AKIRIN1: variants seen among roughly 807,000 people sequenced by gnomAD.
AKIRIN1 encodes the protein akirin 1.
AKIRIN1 carries 4 observed loss-of-function variants against 25.9 expected under a neutral mutation model. The ratio of observed to expected loss-of-function variants is 0.15; its 90% confidence interval spans 0.08 to 0.35. The LOEUF is 0.35. Among genes scored for constraint, AKIRIN1 ranks in the 10% least tolerant of loss-of-function variants. The probability of loss-of-function intolerance (pLI) is 1.00; values close to 1 mark genes in which losing one functional copy is unlikely to be tolerated. For missense variants in AKIRIN1, 243 were observed against 266.1 expected, an observed-to-expected ratio of 0.91 and a Z score of 0.61; for synonymous variants, 125 against 105.1, an observed-to-expected ratio of 1.19 and a Z score of -1.16.
At chr1:39,002,745 A>C (rs745659909) in intron 3 of AKIRIN1, among the ~76,000 whole-genome samples, 48 of 151,772 alleles carry the variant, frequency 3.2e-4, no homozygotes, top group South Asian at 4.2e-4. Flanking sequence ...AAAAAAGAAG[A>C]AGCTCTAATA....
intron 1 of AKIRIN1, among the ~76,000 whole-genome samples, chr1:38,992,820 C>A (rs1033393395): frequency 6.6e-6 from 1 of 152,134 alleles, no homozygotes; most frequent in African/African-American, 2.4e-5. Flanking sequence ...TTTTTCCCTT[C>A]TATTTGCTAA....
chr1:39,003,966 TGTTA>T, intron 4 of AKIRIN1, 75 bp from the exon 5 acceptor site: 1 of 1,258,310 alleles, frequency 7.9e-7, no homozygotes, highest in Non-Finnish European at 1.1e-6. Context: ...TCACATTTAC[TGTTA>T]GTGAAAATTT....
intron 4 of AKIRIN1, 47 bp from the exon 5 acceptor site, chr1:39,003,998 A>G (rs1444513111): frequency 6.5e-7 from 1 of 1,549,378 alleles, no homozygotes; most frequent in Non-Finnish European, 8.9e-7. Context: ...ATGACACTAC[A>G]GTTTTTAGTA....
At chr1:38,993,390 G>T (rs1033234701) in intron 1 of AKIRIN1, among the ~76,000 whole-genome samples, 35 of 151,926 alleles carry the variant, frequency 2.3e-4, no homozygotes, top group African/African-American at 8.2e-4. Flanking sequence ...AAATAGCCGG[G>T]CGAGGTTGCG....
Position 38,991,410 on chromosome 1 carries a change from C to G in AKIRIN1, c.30C>G (p.Pro10=), listed in dbSNP as rs1284473414. 16 of 1,358,498 alleles carry G rather than the reference C, an allele frequency of 1.2e-5. No homozygotes were observed. The South Asian group carries it at 2.8e-4, about 24-fold the overall frequency. 84.2% of individuals were successfully genotyped at this position (1,358,498 alleles called of 1,614,324 possible). A position where few individuals can be genotyped will look rare whatever the true frequency, so the allele number is the denominator to read the frequency against. Residue 10 remains proline (P), a synonymous_variant, in exon 1 of 5, where the codon CCC becomes CCG. Coordinates refer to ENST00000432648, the MANE Select transcript of AKIRIN1 (RefSeq NM_024595.3). MACGATLKR[P]MEFEAALLSP... ...CGTGCGGGGCGACGCTGAAGCGGCC[C>G]ATGGAGTTCGAGGCGGCGCTGCTGA...
rs1644032114 is a variant in AKIRIN1, at chr1:39,006,038, TAAAG to T, written c.*1986_*1989del. The T allele has an allele frequency of 6.6e-6, 1 of 152,112 alleles. No homozygotes were observed. The allele number at this position is 152,112 out of a possible 1,614,324, so 9.4% of individuals were successfully genotyped here. On this transcript the variant is annotated 3_prime_UTR_variant, in exon 5 of 5. Coordinates refer to ENST00000432648, the MANE Select transcript of AKIRIN1 (RefSeq NM_024595.3). The stretch of plus-strand genomic sequence containing the variant: ...CCAACAGTGATTTTTTTTTAATAAT[TAAAG>T]AATGATTTTACTTTGTATTTGAAGG...
At position 39,000,422 on chromosome 1, in the gene AKIRIN1, A is replaced by C. The variant is rs187241540; in HGVS notation, c.362-550A>C. On this transcript the variant is annotated intron_variant, in intron 2 of 4. Transcript: ENST00000432648. Reference sequence around the variant, plus strand: ...GCATGCAGTTGTGTGATCTCGGCTCACTGCAATCTCCGCCTCTCAGGTTCA... The same window carrying C: ...GCATGCAGTTGTGTGATCTCGGCTCCCTGCAATCTCCGCCTCTCAGGTTCA... 1.6e-3 allele frequency among the ~76,000 whole-genome samples: 216 copies of C among 132,068 alleles called. 3 individuals carry two copies. The Admixed American group carries it at 0.017, about 11-fold the overall frequency. 86.6% of individuals were successfully genotyped at this position (132,068 alleles called of 152,430 possible). A position where few individuals can be genotyped will look rare whatever the true frequency, so the allele number is the denominator to read the frequency against.
In AKIRIN1 at chr1:38,996,255, C is replaced by A. The variant is rs534298903; in HGVS notation, c.221-1916C>A. ...GATTACAGGTGCGCACCACCATGCC[C>A]AGCTAATTTTTGTATTTTTAGTAGA... On this transcript the variant is annotated intron_variant, in intron 1 of 4. Coordinates refer to ENST00000432648, the MANE Select transcript of AKIRIN1 (RefSeq NM_024595.3). Among the ~76,000 whole-genome samples the A allele has an allele frequency of 5.9e-5, 9 of 151,940 alleles. No individual in the cohort carries two copies. The South Asian group carries it at 1.9e-3, about 32-fold the overall frequency.
At chr1:38,991,677 G>GGGGGGGCC in intron 1 of AKIRIN1, 77 bp downstream of exon 1, 1 of 192,414 alleles carries the variant, frequency 5.2e-6, no homozygotes, top group Non-Finnish European at 1.1e-5. Flanking sequence ...GGAGGGTTGG[G>GGGGGGGCC]AATACCAGGC....
At chr1:39,002,910 A>G (rs1166996168) in intron 3 of AKIRIN1, among the ~76,000 whole-genome samples, 1 of 152,156 alleles carries the variant, frequency 6.6e-6, no homozygotes, top group Middle Eastern at 3.2e-3. Context: ...GTTAGATGGT[A>G]TAGATTTTCA....
At chr1:39,001,430 A>AT (rs1324925810) in intron 3 of AKIRIN1, among the ~76,000 whole-genome samples, 4 of 151,674 alleles carry the variant, frequency 2.6e-5, no homozygotes, top group South Asian at 2.1e-4. Context: ...TGCCTGGCTA[A>AT]TTTTTTTGTA....
At chr1:39,002,510 T>A (rs1644001426) in intron 3 of AKIRIN1, among the ~76,000 whole-genome samples, 1 of 152,026 alleles carries the variant, frequency 6.6e-6, no homozygotes, top group East Asian at 1.9e-4. Flanking sequence ...GCGGGCAGAT[T>A]ACAAGGTCAG....
At chr1:38,993,139 G>A (rs905912689) in intron 1 of AKIRIN1, among the ~76,000 whole-genome samples, 1 of 152,242 alleles carries the variant, frequency 6.6e-6, no homozygotes, top group African/African-American at 2.4e-5. Context: ...CCTCAAGATA[G>A]TTGCAAAAAG....
At chr1:38,996,750 C>T (rs543912753) in intron 1 of AKIRIN1, among the ~76,000 whole-genome samples, 17 of 151,116 alleles carry the variant, frequency 1.1e-4, no homozygotes, top group Non-Finnish European at 2.2e-4. Context: ...AAGATAGTCT[C>T]GATTTCATGA....
rs1644029319 is a variant in AKIRIN1, at chr1:39,005,713, T to A, written c.*1658T>A. 6.6e-6 allele frequency: 1 copy of A among 152,164 alleles called. No homozygotes were observed. The highest frequency in any genetic ancestry group is 2.4e-5 in the African/African-American group (1 of 41,406). The allele number at this position is 152,164 out of a possible 1,614,324, so 9.4% of individuals were successfully genotyped here. ...AAGTAAGGTAATATTCAGAGACAGT[T>A]GTTGTGATCAGATGGCTTAGAGAAA... is the stretch of plus-strand genomic sequence containing the variant. On this transcript the variant is annotated 3_prime_UTR_variant, in exon 5 of 5. Coordinates refer to ENST00000432648, the MANE Select transcript of AKIRIN1 (RefSeq NM_024595.3).
intron 2 of AKIRIN1, 55 bp downstream of exon 2, chr1:38,998,366 T>A: frequency 2.0e-6 from 3 of 1,526,112 alleles, no homozygotes; most frequent in South Asian, 2.5e-5. Flanking sequence ...ATGGTACTTA[T>A]AATGATGAAT....
intron 3 of AKIRIN1, 114 bp from the exon 4 acceptor site, chr1:39,003,231 AAG>A: frequency 1.1e-6 from 1 of 916,766 alleles, no homozygotes; most frequent in Non-Finnish European, 1.7e-6. Flanking sequence ...GACCTTTATA[AAG>A]AGGGCCTGAG....
chr1:39,000,409 G>A (rs886779189), intron 2 of AKIRIN1, among the ~76,000 whole-genome samples: 7 of 136,530 alleles, frequency 5.1e-5, no homozygotes, highest in Admixed American at 1.7e-4. Context: ...ATGCAGTTGT[G>A]TGATCTCGGC....
At position 38,994,672 on chromosome 1, in the gene AKIRIN1, A is replaced by ATTTT. The variant is rs10528399; in HGVS notation, c.220+3103_220+3106dup. ...AGGCATGTGTCACTACGCTCGGCTA[A>ATTTT]TTTTTTTTTTTTTTTTTTTTTTTTT... On this transcript the variant is annotated intron_variant, in intron 1 of 4. Transcript: ENST00000432648. 7.3e-3 allele frequency among the ~76,000 whole-genome samples: 464 copies of ATTTT among 63,464 alleles called. 21 individuals are homozygous for ATTTT. Among genetic ancestry groups the ATTTT allele is most frequent in the East Asian group, 0.018 (23 of 1,296 alleles). 41.6% of individuals were successfully genotyped at this position (63,464 alleles called of 152,430 possible).
Sources: gnomAD v4.1 joint callset for allele counts (sites outside exome capture counted in the v4.1 genomes callset) on GRCh38, gnomAD v4.1.1 for gene constraint, MANE v1.5 for transcripts, NCBI Gene and HGNC (gene_info 2026-07-23, HGNC 2026-07-21) for gene names.